The following MAPDA variants were observed in gnomAD, a reference collection of about 807,000 sequenced individuals.
MAPDA encodes the protein N6,N6-dimethyl-AMP deaminase.
At chr15:43,349,224 A>G in the MAPDA span, 1 of 1,406,106 alleles carries the variant, frequency 7.1e-7, no homozygotes, top group Non-Finnish European at 9.2e-7. Flanking sequence ...TTCCATTAGA[A>G]TATAAGCTCT....
chr15:43,343,065 A>C, the MAPDA span: 3 of 1,575,788 alleles, frequency 1.9e-6, no homozygotes, highest in East Asian at 7.0e-5. Context: ...AAACTTGGAC[A>C]TTGATGTTAG....
the MAPDA span, among the ~76,000 whole-genome samples, chr15:43,350,268 T>TG: frequency 6.8e-6 from 1 of 148,050 alleles, no homozygotes; most frequent in African/African-American, 2.5e-5. Flanking sequence ...TTAGTAGAGA[T>TG]GGGGTTTCAC....
chr15:43,339,475 C>T, the MAPDA span, among the ~76,000 whole-genome samples: 5 of 152,216 alleles, frequency 3.3e-5, no homozygotes, highest in African/African-American at 9.6e-5. Context: ...CAGCCAGCCC[C>T]TCTTGCTTTG....
chr15:43,342,456 A>AG, the MAPDA span, among the ~76,000 whole-genome samples: 1 of 151,644 alleles, frequency 6.6e-6, no homozygotes, highest in South Asian at 2.1e-4. Context: ...TAAAAAAAAA[A>AG]AAAAAAAAAA....
chr15:43,346,090 C>T, the MAPDA span: 2 of 1,433,432 alleles, frequency 1.4e-6, no homozygotes, highest in African/African-American at 1.4e-5. Context: ...AACAGACACT[C>T]CATTCTGTGG....
chr15:43,339,125 A>G, the MAPDA span, among the ~76,000 whole-genome samples: 11 of 152,318 alleles, frequency 7.2e-5, no homozygotes, highest in Non-Finnish European at 7.4e-5. Flanking sequence ...GGTGTCAGTG[A>G]CAGCAAGAGG....
the MAPDA span, chr15:43,352,013 A>AT: frequency 6.8e-7 from 1 of 1,462,676 alleles, no homozygotes; most frequent in Non-Finnish European, 9.2e-7. Flanking sequence ...CCACTTAGTA[A>AT]AACAGTCCAC....
At chr15:43,330,580 A>C in the MAPDA span, 1 of 1,409,232 alleles carries the variant, frequency 7.1e-7, no homozygotes, top group East Asian at 2.6e-5. Context: ...AGGGGGAAAA[A>C]AACCACCCAT....
chr15:43,330,359 C>T, the MAPDA span: 1 of 1,604,350 alleles, frequency 6.2e-7, no homozygotes, highest in Non-Finnish European at 8.5e-7. Flanking sequence ...GCGCGCCGCG[C>T]CCGGAACCAG....
the MAPDA span, among the ~76,000 whole-genome samples, chr15:43,340,591 A>C: frequency 6.6e-6 from 1 of 152,148 alleles, no homozygotes; most frequent in African/African-American, 2.4e-5. Context: ...AGTGGTGCAA[A>C]CATAGCTCAC....
the MAPDA span, among the ~76,000 whole-genome samples, chr15:43,342,306 C>G: frequency 6.6e-6 from 1 of 151,974 alleles, no homozygotes; most frequent in Non-Finnish European, 1.5e-5. Context: ...TGCAGATCCC[C>G]TCAGAGAGCA....
the MAPDA span, chr15:43,351,457 A>G: frequency 2.5e-6 from 1 of 398,420 alleles, no homozygotes; most frequent in Non-Finnish European, 4.4e-6. Context: ...CTCTGCACCC[A>G]TCCCATGAGA....
At chr15:43,346,577 T>C in the MAPDA span, among the ~76,000 whole-genome samples, 1 of 152,350 alleles carries the variant, frequency 6.6e-6, no homozygotes, top group East Asian at 1.9e-4. Context: ...AACAGCTGAA[T>C]AAGAGAGTCC....
chr15:43,331,146 G>C, the MAPDA span, among the ~76,000 whole-genome samples: 1 of 152,342 alleles, frequency 6.6e-6, no homozygotes, highest in South Asian at 2.1e-4. Flanking sequence ...ATAGTAGACT[G>C]TTGATTCCCT....
the MAPDA span, chr15:43,348,819 A>G: frequency 3.0e-4 from 422 of 1,405,180 alleles, no homozygotes; most frequent in Non-Finnish European, 3.8e-4. Context: ...AGTACTACTT[A>G]GAGGGGCAGG....
At chr15:43,354,399 T>G in the MAPDA span, 2 of 152,186 alleles carry the variant, frequency 1.3e-5, no homozygotes, top group Non-Finnish European at 2.9e-5. Context: ...CATCAAAGTT[T>G]ATTCATAAAA....
At chr15:43,351,249 C>A in the MAPDA span, 1 of 519,262 alleles carries the variant, frequency 1.9e-6, no homozygotes, top group Non-Finnish European at 3.4e-6. Context: ...TCACTTGAAC[C>A]CAGGAGGAGG....
the MAPDA span, among the ~76,000 whole-genome samples, chr15:43,342,648 G>T: frequency 6.6e-6 from 1 of 151,602 alleles, no homozygotes; most frequent in South Asian, 2.1e-4. Flanking sequence ...TACTCAGGAG[G>T]CTGAGGTGGC....
chr15:43,344,205 T>C, the MAPDA span, among the ~76,000 whole-genome samples: 1 of 152,086 alleles, frequency 6.6e-6, no homozygotes, highest in African/African-American at 2.4e-5. Context: ...TCCCAGGAAA[T>C]AGATTGATTT....
Sources: gnomAD v4.1 joint callset for allele counts (sites outside exome capture counted in the v4.1 genomes callset) on GRCh38, gnomAD v4.1.1 for gene constraint, MANE v1.5 for transcripts, NCBI Gene and HGNC (gene_info 2026-07-23, HGNC 2026-07-21) for gene names.